NTRK2: variants seen among roughly 807,000 people sequenced by gnomAD.
The protein encoded by NTRK2 is BDNF/NT-3 growth factors receptor.
NTRK2 carries 13 observed loss-of-function variants against 94.5 expected under a neutral mutation model. The ratio of observed to expected loss-of-function variants is 0.14; its 90% confidence interval spans 0.09 to 0.22. The LOEUF (loss-of-function observed/expected upper bound fraction) is 0.22. NTRK2 is among the 10% of genes least tolerant of loss of function. The pLI is 1.00. For synonymous variants in NTRK2, 372 were observed against 407.4 expected, an observed-to-expected ratio of 0.91 and a Z score of 1.05; for missense variants, 639 against 1,071.2, an observed-to-expected ratio of 0.60 and a Z score of 5.63.
chr9:84,756,923 C>A (rs2065133925), intron 12 of NTRK2, among the ~76,000 whole-genome samples: 1 of 152,150 alleles, frequency 6.6e-6, no homozygotes, highest in African/African-American at 2.4e-5. Flanking sequence ...CAATAGCAAC[C>A]AAAAATCTGC....
rs574936967 is a variant in NTRK2, at chr9:84,967,916, G to A, written c.2172+12399G>A. 2.6e-5 allele frequency among the ~76,000 whole-genome samples: 4 copies of A among 152,258 alleles called. No homozygotes were observed. In the East Asian group the frequency reaches 7.7e-4, roughly 29 times the overall value. On this transcript the variant is annotated intron_variant, in intron 17 of 18. Transcript: ENST00000277120. The stretch of plus-strand genomic sequence containing the variant: ...GGCTTTTTTCTGCAGCTACCATGGG[G>A]GCTTAAGTTCTTCCCAGCTGTCTTA...
At chr9:84,820,856 T>C (rs898769122) in intron 12 of NTRK2, among the ~76,000 whole-genome samples, 1 of 152,218 alleles carries the variant, frequency 6.6e-6, no homozygotes, top group African/African-American at 2.4e-5. Context: ...CTGCCCATAA[T>C]AAGAGAACAA....
intron 16 of NTRK2, among the ~76,000 whole-genome samples, chr9:84,949,685 C>G (rs879604374): frequency 1.3e-5 from 2 of 152,102 alleles, no homozygotes; most frequent in Non-Finnish European, 2.9e-5. Flanking sequence ...AGGCTGGTCT[C>G]GAACTCCTGA....
At chr9:84,840,912 C>T (rs746532954) in intron 12 of NTRK2, among the ~76,000 whole-genome samples, 4 of 152,146 alleles carry the variant, frequency 2.6e-5, no homozygotes, top group African/African-American at 9.7e-5. Context: ...AGGCACCCAG[C>T]GCAGCTTCTT....
rs1197073231 is a variant in NTRK2, at chr9:84,926,106, TTTCCTTCCTTCCTTCC to T, written c.1634-8005_1634-7990del. ...TTCCCTTCCTTCCTTCCTTCCTTCC[TTTCCTTCCTTCCTTCC>T]TTCCTTCCTTCCTTCCTTCCTTCCT... On this transcript the variant is annotated intron_variant, in intron 14 of 18. Transcript: ENST00000277120. Among the ~76,000 whole-genome samples, 386 of 108,710 alleles carry T rather than the reference TTTCCTTCCTTCCTTCC, an allele frequency of 3.6e-3. 19 individuals carry two copies. The highest frequency in any genetic ancestry group is 9.0e-3 in the Middle Eastern group (2 of 222). 71.3% of individuals were successfully genotyped at this position (108,710 alleles called of 152,430 possible).
chr9:84,812,958 T>G, intron 12 of NTRK2: 2 of 1,033,130 alleles, frequency 1.9e-6, no homozygotes, highest in Non-Finnish European at 2.3e-6. Context: ...TCTTTTCTTT[T>G]TTTTAATCCC....
Position 84,811,019 on chromosome 9 carries a change from C to T in NTRK2, c.1397-50021C>T, listed in dbSNP as rs200056966. On this transcript the variant is annotated intron_variant, in intron 12 of 18. Transcript: ENST00000277120. ...AAAGTTGAGAACAGGTATAAGTGCA[C>T]ACTGAATAGTCTAATCTACATGTAA... 17 of 1,102,476 alleles carry T rather than the reference C, an allele frequency of 1.5e-5. No homozygotes were observed. In the Admixed American group the frequency reaches 7.2e-4, roughly 47 times the overall value. 68.3% of individuals were successfully genotyped at this position (1,102,476 alleles called of 1,614,324 possible).
chr9:84,797,660 T>TAATA (rs1564297727), intron 12 of NTRK2, among the ~76,000 whole-genome samples: 1 of 42,302 alleles, frequency 2.4e-5, no homozygotes, highest in Non-Finnish European at 3.8e-5. Flanking sequence ...AATATATATA[T>TAATA]TATATATTAT....
intron 12 of NTRK2, among the ~76,000 whole-genome samples, chr9:84,855,008 A>C (rs2074994578): frequency 6.6e-6 from 1 of 151,970 alleles, no homozygotes; most frequent in East Asian, 1.9e-4. Context: ...GAGGCATGAA[A>C]AAATGCAAAG....
intron 2 of NTRK2, among the ~76,000 whole-genome samples, chr9:84,675,322 T>TC (rs1420483327): frequency 7.8e-6 from 1 of 128,022 alleles, no homozygotes; most frequent in Non-Finnish European, 1.6e-5. Context: ...TTTCTTTCTT[T>TC]CCTTTTTTTT....
At chr9:85,013,866 C>CT (rs1203856348) in intron 17 of NTRK2, among the ~76,000 whole-genome samples, 1 of 152,194 alleles carries the variant, frequency 6.6e-6, no homozygotes, top group Admixed American at 6.5e-5. Context: ...TTATCACTCA[C>CT]TCACTGAGTA....
intron 17 of NTRK2, among the ~76,000 whole-genome samples, chr9:84,973,514 A>G (rs1472059698): frequency 6.6e-6 from 1 of 152,246 alleles, no homozygotes; most frequent in Non-Finnish European, 1.5e-5. Context: ...TCTCAAAAAC[A>G]GACCCCAAAA....
At chr9:84,728,495 C>G (rs948133266) in intron 9 of NTRK2, among the ~76,000 whole-genome samples, 1 of 152,090 alleles carries the variant, frequency 6.6e-6, no homozygotes, top group Non-Finnish European at 1.5e-5. Flanking sequence ...AGATTTTGTA[C>G]CCACAATGGC....
At chr9:84,722,159 G>GTTT (rs1588160509) in intron 6 of NTRK2, among the ~76,000 whole-genome samples, 5 of 101,418 alleles carry the variant, frequency 4.9e-5, no homozygotes, top group South Asian at 2.8e-4. Flanking sequence ...GCTATTAGGG[G>GTTT]CTTTTTTTTT....
chr9:84,812,490 C>T lies in NTRK2; in HGVS notation c.1397-48550C>T, dbSNP rs41282429. 3.6e-3 allele frequency: 3,823 copies of T among 1,048,910 alleles called. 10 individuals carry two copies. The highest frequency in any genetic ancestry group is 0.011 in the African/African-American group (673 of 60,146). The allele number at this position is 1,048,910 out of a possible 1,614,324, so 65.0% of individuals were successfully genotyped here. A position where few individuals can be genotyped will look rare whatever the true frequency, so the allele number is the denominator to read the frequency against. ...TTTTCTGAATTCCCATTTTCTTGTT[C>T]GCGGCTAAATGACAGTTTCTGTCAT... On this transcript the variant is annotated intron_variant, in intron 12 of 18. Transcript: ENST00000277120.
intron 12 of NTRK2, among the ~76,000 whole-genome samples, chr9:84,839,905 T>C (rs1218106748): frequency 2.6e-5 from 4 of 152,158 alleles, no homozygotes; most frequent in Non-Finnish European, 5.9e-5. Flanking sequence ...TACAGGGCTT[T>C]GGGTTTCTTG....
chr9:84,852,240 G>A (rs555258757), intron 12 of NTRK2, among the ~76,000 whole-genome samples: 1 of 152,278 alleles, frequency 6.6e-6, no homozygotes, highest in Non-Finnish European at 1.5e-5. Flanking sequence ...AGCTTCCTCC[G>A]CAAAGACTTG....
At chr9:84,672,421 A>G (rs747414207) in intron 2 of NTRK2, among the ~76,000 whole-genome samples, 2 of 152,160 alleles carry the variant, frequency 1.3e-5, no homozygotes, top group Non-Finnish European at 2.9e-5. Context: ...GTGGTCTTGG[A>G]CTGGGCTGGT....
chr9:84,835,624 T>A (rs1419215632), intron 12 of NTRK2, among the ~76,000 whole-genome samples: 1 of 152,184 alleles, frequency 6.6e-6, no homozygotes, highest in African/African-American at 2.4e-5. Flanking sequence ...CCCTCCCCCC[T>A]TCTTTGTAAT....
Sources: gnomAD v4.1 joint callset for allele counts (sites outside exome capture counted in the v4.1 genomes callset) on GRCh38, gnomAD v4.1.1 for gene constraint, MANE v1.5 for transcripts, NCBI Gene and HGNC (gene_info 2026-07-23, HGNC 2026-07-21) for gene names.